Variants in AUH observed in about 807,000 individuals in gnomAD.
The protein encoded by AUH is AU RNA binding methylglutaconyl-CoA hydratase.
Under a neutral mutation model 42.3 loss-of-function variants are expected in AUH, and 29 were observed. That is an observed-to-expected ratio of 0.69 (90% CI 0.51 to 0.93). The LOEUF is 0.93. AUH is among the 40% of genes least tolerant of loss of function. The pLI is 0.00. For synonymous variants in AUH, 174 were observed against 166.4 expected (o/e 1.05, Z -0.35); for missense variants, 452 against 438.1 (o/e 1.03, Z -0.28).
chr9:91,335,583 G>A (rs781345439), intron 3 of AUH, among the ~76,000 whole-genome samples: 13 of 151,652 alleles, frequency 8.6e-5, no homozygotes, highest in Non-Finnish European at 1.8e-4. Context: ...ACCCTATTTG[G>A]GTTATTCTGC....
rs144528199 is a variant in AUH, at chr9:91,315,869, G to A, written c.505+9449C>T. Among the ~76,000 whole-genome samples, 52 of 152,188 alleles carry A rather than the reference G, an allele frequency of 3.4e-4. No individual in the cohort carries two copies. The East Asian group carries it at 9.1e-3, about 27-fold the overall frequency. Reference sequence around the variant, plus strand: ...ATCCTTGTAAAGTCTGTGTGTGTGTGTATATGTTGATTTTATTACACACTT... The same window carrying A: ...ATCCTTGTAAAGTCTGTGTGTGTGTATATATGTTGATTTTATTACACACTT... On this transcript the variant is annotated intron_variant, in intron 4 of 9. Coordinates refer to ENST00000375731, the MANE Select transcript of AUH (RefSeq NM_001698.3).
chr9:91,297,902 G>A, intron 5 of AUH, 82 bp downstream of exon 5: 2 of 1,136,104 alleles, frequency 1.8e-6, no homozygotes, highest in Non-Finnish European at 2.6e-6. Flanking sequence ...ACAGGAAGCA[G>A]AATAAAATAT....
intron 6 of AUH, among the ~76,000 whole-genome samples, chr9:91,290,080 T>C (rs1363704424): frequency 3.3e-5 from 5 of 152,188 alleles, no homozygotes; most frequent in African/African-American, 4.8e-5. Flanking sequence ...GAAAGCTTCA[T>C]GGTATTAAAA....
At chr9:91,281,285 T>G (rs1418891469) in intron 6 of AUH, among the ~76,000 whole-genome samples, 1 of 152,232 alleles carries the variant, frequency 6.6e-6, no homozygotes, top group African/African-American at 2.4e-5. Flanking sequence ...CTCTCTCTTT[T>G]GTTCATCTTC....
Position 91,346,404 on chromosome 9 carries a change from G to A in AUH, c.418+9479C>T, listed in dbSNP as rs12001684. Among the ~76,000 whole-genome samples, 168 of 152,256 alleles carry A rather than the reference G, an allele frequency of 1.1e-3. 1 individual carries two copies. Among genetic ancestry groups the A allele is most frequent in the African/African-American group, 4.0e-3 (166 of 41,538 alleles). On this transcript the variant is annotated intron_variant, in intron 3 of 9. Coordinates refer to ENST00000375731, the MANE Select transcript of AUH (RefSeq NM_001698.3). ...AACACATGGATGTGCTGGGTAAGTG[G>A]CACACCTGGAGAGGGTATGGAAGCT...
intron 7 of AUH, chr9:91,218,776 T>C: frequency 1.0e-6 from 1 of 984,830 alleles, no homozygotes; most frequent in Non-Finnish European, 1.2e-6. Flanking sequence ...GAAATACTGA[T>C]TTTACAAAAG....
intron 4 of AUH, among the ~76,000 whole-genome samples, chr9:91,300,787 A>G (rs1276600201): frequency 6.6e-6 from 1 of 152,160 alleles, no homozygotes; most frequent in Non-Finnish European, 1.5e-5. Flanking sequence ...CAGCTCCAAA[A>G]GTCTCCATTC....
At chr9:91,315,323 A>C (rs1829072638) in intron 4 of AUH, among the ~76,000 whole-genome samples, 1 of 152,202 alleles carries the variant, frequency 6.6e-6, no homozygotes, top group Admixed American at 6.5e-5. Flanking sequence ...CATGGGTCCC[A>C]CGGAAAGGCC....
intron 6 of AUH, among the ~76,000 whole-genome samples, chr9:91,267,809 C>G (rs1249769890): frequency 6.6e-6 from 1 of 152,102 alleles, no homozygotes; most frequent in Admixed American, 6.5e-5. Context: ...CCTTTCCTAG[C>G]CCCTTTTCTC....
intron 6 of AUH, among the ~76,000 whole-genome samples, chr9:91,272,685 C>T (rs931176766): frequency 5.9e-5 from 9 of 152,068 alleles, no homozygotes; most frequent in South Asian, 2.1e-4. Flanking sequence ...TTTATGTATC[C>T]GTCTGCCTCC....
At chr9:91,231,483 C>CCA (rs1050840260) in intron 6 of AUH, among the ~76,000 whole-genome samples, 2 of 152,184 alleles carry the variant, frequency 1.3e-5, no homozygotes, top group Non-Finnish European at 2.9e-5. Flanking sequence ...GAACCTGGTA[C>CCA]CACAGATGGA....
intron 6 of AUH, among the ~76,000 whole-genome samples, chr9:91,241,028 A>C (rs1008104231): frequency 1.9e-4 from 29 of 152,304 alleles, no homozygotes; most frequent in African/African-American, 6.7e-4. Flanking sequence ...GGGTCACACA[A>C]AAGTGACCTA....
At chr9:91,228,231 T>C (rs1022215703) in intron 6 of AUH, among the ~76,000 whole-genome samples, 5 of 152,212 alleles carry the variant, frequency 3.3e-5, no homozygotes, top group African/African-American at 1.2e-4. Context: ...CAATTTCACA[T>C]CCTGTTATTG....
At chr9:91,343,541 C>T (rs530111436) in intron 3 of AUH, among the ~76,000 whole-genome samples, 4 of 152,248 alleles carry the variant, frequency 2.6e-5, no homozygotes, top group South Asian at 4.1e-4. Flanking sequence ...CTGAGGCAGG[C>T]GGCCTTGAGG....
intron 4 of AUH, among the ~76,000 whole-genome samples, chr9:91,321,818 T>C (rs1204495230): frequency 1.3e-5 from 2 of 152,160 alleles, no homozygotes; most frequent in East Asian, 3.9e-4. Flanking sequence ...AATAAAGCTG[T>C]ATTGGAACAG....
intron 3 of AUH, among the ~76,000 whole-genome samples, 158 bp downstream of exon 3, chr9:91,355,725 G>T (rs1462940029): frequency 6.6e-6 from 1 of 152,040 alleles, no homozygotes; most frequent in African/African-American, 2.4e-5. Context: ...AATGCTGACA[G>T]ACTAAGCATG....
chr9:91,343,658 G>C (rs1175615660), intron 3 of AUH, among the ~76,000 whole-genome samples: 1 of 152,178 alleles, frequency 6.6e-6, no homozygotes, highest in Admixed American at 6.5e-5. Flanking sequence ...CAGCTACTCG[G>C]GAGGCGGAGG....
At chr9:91,332,030 G>C (rs1171534659) in intron 3 of AUH, among the ~76,000 whole-genome samples, 1 of 152,126 alleles carries the variant, frequency 6.6e-6, no homozygotes, top group Non-Finnish European at 1.5e-5. Context: ...GTGCTCCTTT[G>C]AACATTTTTA....
chr9:91,306,885 A>G (rs565653892), intron 4 of AUH, among the ~76,000 whole-genome samples: 2 of 152,360 alleles, frequency 1.3e-5, no homozygotes, highest in African/African-American at 4.8e-5. Context: ...TAACAGCCCA[A>G]AACTGAACAC....
Sources: gnomAD v4.1 joint callset for allele counts (sites outside exome capture counted in the v4.1 genomes callset) on GRCh38, gnomAD v4.1.1 for gene constraint, MANE v1.5 for transcripts, NCBI Gene and HGNC (gene_info 2026-07-23, HGNC 2026-07-21) for gene names.